The following EPM2A variants were observed in gnomAD, a reference collection of about 807,000 sequenced individuals.
The protein encoded by EPM2A is EPM2A glucan phosphatase, laforin.
Under a neutral mutation model 26.5 loss-of-function variants are expected in EPM2A, and 21 were observed. That is an observed-to-expected ratio of 0.79 (90% CI 0.56 to 1.14). The LOEUF is 1.14. Among genes scored for constraint, EPM2A ranks in the 50% most tolerant of loss-of-function variants. The probability of loss-of-function intolerance (pLI) is 0.00; values close to 1 mark genes in which losing one functional copy is unlikely to be tolerated. For synonymous variants in EPM2A, 217 were observed against 177.6 expected, an observed-to-expected ratio of 1.22 and a Z score of -1.76; for missense variants, 458 against 440.8, an observed-to-expected ratio of 1.04 and a Z score of -0.35.
At chr6:145,605,222 C>T (rs1775209740) in intron 2 of EPM2A, among the ~76,000 whole-genome samples, 2 of 152,116 alleles carry the variant, frequency 1.3e-5, no homozygotes, top group Admixed American at 1.3e-4. Flanking sequence ...CCAACAGCAA[C>T]AACAATTATT....
intron 2 of EPM2A, among the ~76,000 whole-genome samples, chr6:145,618,133 T>A (rs1775555275): frequency 6.6e-6 from 1 of 152,074 alleles, no homozygotes; most frequent in African/African-American, 2.4e-5. Context: ...TCTATGAAAA[T>A]GCCTGGAAGA....
chr6:145,575,816 C>A (rs1056750742), intron 2 of EPM2A, among the ~76,000 whole-genome samples: 4 of 152,290 alleles, frequency 2.6e-5, no homozygotes, highest in Admixed American at 2.6e-4. Context: ...GCAGCCAACT[C>A]TAGAAACCCC....
chr6:145,592,849 C>G (rs1326015063), intron 2 of EPM2A, among the ~76,000 whole-genome samples: 1 of 151,526 alleles, frequency 6.6e-6, no homozygotes, highest in Non-Finnish European at 1.5e-5. Flanking sequence ...AATAATAAAG[C>G]CTCAAATAAA....
chr6:145,609,111 A>C (rs1050853591), intron 2 of EPM2A, among the ~76,000 whole-genome samples: 3 of 152,200 alleles, frequency 2.0e-5, no homozygotes, highest in African/African-American at 7.2e-5. Flanking sequence ...CAGAAGAGTA[A>C]GGAAATAGTA....
chr6:145,671,753 T>A (rs1779660537), intron 2 of EPM2A, among the ~76,000 whole-genome samples: 3 of 152,210 alleles, frequency 2.0e-5, no homozygotes, highest in Admixed American at 1.3e-4. Flanking sequence ...AAATTATTGT[T>A]CTATAGTGTG....
chr6:145,492,502 G>T (rs1779768366), intron 4 of EPM2A, among the ~76,000 whole-genome samples: 1 of 152,204 alleles, frequency 6.6e-6, no homozygotes, highest in African/African-American at 2.4e-5. Context: ...AGCAAGGGCA[G>T]AGGGTCATTG....
At chr6:145,500,139 G>A (rs553037182), downstream of EPM2A, among the ~76,000 whole-genome samples, 19 of 152,220 alleles carry the variant, frequency 1.2e-4, no homozygotes, top group African/African-American at 4.1e-4. Context: ...AAGAATTTGT[G>A]AGCCAGTACG....
chr6:145,697,773 A>C (rs931482191), intron 1 of EPM2A, among the ~76,000 whole-genome samples: 1 of 152,148 alleles, frequency 6.6e-6, no homozygotes, highest in Non-Finnish European at 1.5e-5. Flanking sequence ...GTTTAAGGTT[A>C]TCTCTCTTGT....
chr6:145,523,981 C>G (rs1356617660), intron 2 of EPM2A, among the ~76,000 whole-genome samples: 1 of 152,126 alleles, frequency 6.6e-6, no homozygotes, highest in African/African-American at 2.4e-5. Flanking sequence ...TCTACTGTTC[C>G]CAACTTTATT....
At chr6:145,671,741 C>T (rs1028975655) in intron 2 of EPM2A, among the ~76,000 whole-genome samples, 11 of 152,072 alleles carry the variant, frequency 7.2e-5, no homozygotes, top group African/African-American at 2.7e-4. Flanking sequence ...TTTAAATGTG[C>T]AAAATTATTG....
intron 2 of EPM2A, among the ~76,000 whole-genome samples, chr6:145,557,139 T>C (rs1436322503): frequency 6.6e-6 from 1 of 152,154 alleles, no homozygotes; most frequent in African/African-American, 2.4e-5. Flanking sequence ...CAAGAGTGTT[T>C]TATTCAGTAT....
intron 2 of EPM2A, among the ~76,000 whole-genome samples, chr6:145,589,434 C>T (rs541697693): frequency 6.6e-6 from 1 of 152,072 alleles, no homozygotes. Flanking sequence ...AGCAATCAGA[C>T]AGAGGGATTT....
intron 4 of EPM2A, among the ~76,000 whole-genome samples, chr6:145,461,815 G>T (rs1779331735): frequency 2.6e-5 from 4 of 152,176 alleles, no homozygotes; most frequent in Admixed American, 2.6e-4. Context: ...GAGGTGCTGG[G>T]ACAATAATTT....
At chr6:145,612,877 C>A (rs1160794087) in intron 2 of EPM2A, among the ~76,000 whole-genome samples, 9 of 151,900 alleles carry the variant, frequency 5.9e-5, no homozygotes, top group Admixed American at 2.6e-4. Flanking sequence ...ATGTTGATGG[C>A]ACTGACTGAT....
intron 1 of EPM2A, among the ~76,000 whole-genome samples, chr6:145,691,196 C>G (rs1039771480): frequency 2.0e-5 from 3 of 151,912 alleles, no homozygotes; most frequent in African/African-American, 4.8e-5. Flanking sequence ...GAAATCAATA[C>G]CGAGACATGA....
At chr6:145,502,397 G>A (rs895313994) in intron 3 of EPM2A, 6 of 368,608 alleles carry the variant, frequency 1.6e-5, no homozygotes, top group Non-Finnish European at 2.7e-5. Context: ...AAGTCATCTC[G>A]AAGTGAGCCA....
intron 4 of EPM2A, chr6:145,491,631 GA>G (rs1251342266): frequency 2.7e-6 from 1 of 364,152 alleles, no homozygotes; most frequent in Non-Finnish European, 5.4e-6. Context: ...ATTCGAGTGG[GA>G]AAACAGGAAG....
At chr6:145,458,672 A>G (rs1050488465) in intron 4 of EPM2A, among the ~76,000 whole-genome samples, 9 of 152,138 alleles carry the variant, frequency 5.9e-5, no homozygotes, top group Non-Finnish European at 8.8e-5. Context: ...GGACAAATTT[A>G]TCCATTGACC....
intron 2 of EPM2A, among the ~76,000 whole-genome samples, chr6:145,644,385 A>G (rs1304157509): frequency 2.0e-5 from 3 of 152,110 alleles, no homozygotes; most frequent in Admixed American, 1.3e-4. Context: ...CTTTTCTACT[A>G]TTTACAGTGC....
Sources: gnomAD v4.1 joint callset for allele counts (sites outside exome capture counted in the v4.1 genomes callset) on GRCh38, gnomAD v4.1.1 for gene constraint, MANE v1.5 for transcripts, NCBI Gene and HGNC (gene_info 2026-07-23, HGNC 2026-07-21) for gene names.